The following GTF3C3 variants were observed in gnomAD, a reference collection of about 807,000 sequenced individuals.
GTF3C3 encodes the protein general transcription factor IIIC subunit 3, also known as general transcription factor 3C polypeptide 3.
A neutral mutation model predicts 105.2 loss-of-function variants in GTF3C3; 75 were observed. That is an observed-to-expected ratio of 0.71 (90% CI 0.59 to 0.86). The LOEUF (loss-of-function observed/expected upper bound fraction) is 0.86, where lower values mean the gene tolerates loss of function less well. GTF3C3 is among the 40% of genes least tolerant of loss of function. GTF3C3 has a pLI of 0.00. For missense variants in GTF3C3, 856 were observed against 1,076.5 expected (o/e 0.80, Z 2.87); for synonymous variants, 335 against 370.4 (o/e 0.90, Z 1.10).
chr2:196,764,270 A>ATAGTG lies in GTF3C3; in HGVS notation c.*288_*292dup, dbSNP rs1243947493. 11 of 219,424 alleles carry ATAGTG rather than the reference A, an allele frequency of 5.0e-5. No homozygotes were observed. The highest frequency in any genetic ancestry group is 1.1e-4 in the African/African-American group (5 of 44,476). The allele number at this position is 219,424 out of a possible 1,614,324, so 13.6% of individuals were successfully genotyped here. A position where few individuals can be genotyped will look rare whatever the true frequency, so the allele number is the denominator to read the frequency against. Reference sequence around the variant, plus strand: ...GATGAATAAATGGTGTGAGTGAAAAATAGTGTATTCGACTCCAAGCTAGCT... The same window carrying ATAGTG: ...GATGAATAAATGGTGTGAGTGAAAAATAGTGTAGTGTATTCGACTCCAAGCTAGCT... On this transcript the variant is annotated 3_prime_UTR_variant, in exon 18 of 18. Coordinates refer to ENST00000263956, the MANE Select transcript of GTF3C3 (RefSeq NM_012086.5).
chr2:196,782,195 C>T (rs1699377984), intron 8 of GTF3C3, among the ~76,000 whole-genome samples: 2 of 152,078 alleles, frequency 1.3e-5, no homozygotes, highest in South Asian at 4.1e-4. Context: ...CTTGTTTGTC[C>T]CTTTTGCCAC....
Position 196,779,076 on chromosome 2 carries a change from CAAA to C in GTF3C3, c.1219-12_1219-10del. The C allele has an allele frequency of 6.3e-7, 1 of 1,598,118 alleles. No individual in the cohort carries two copies. Among genetic ancestry groups the C allele is most frequent in the Non-Finnish European group, 8.6e-7 (1 of 1,167,754 alleles). On this transcript the variant is annotated splice_polypyrimidine_tract_variant and intron_variant, in intron 9 of 17. Transcript: ENST00000263956. ...AGTGTTGTCAAGAGAGGCTAGACCA[CAAA>C]TAAAAGCCCCAAGTTAAACATTCAT...
chr2:196,780,225 TTC>T, intron 9 of GTF3C3: 3 of 962,398 alleles, frequency 3.1e-6, no homozygotes, highest in Non-Finnish European at 3.8e-6. Flanking sequence ...CTTTTTTTTT[TTC>T]AATAATATAC....
chr2:196,780,942 A>T (rs1385516583), intron 8 of GTF3C3: 1 of 239,294 alleles, frequency 4.2e-6, no homozygotes, highest in African/African-American at 2.2e-5. Flanking sequence ...ATGAGGATAT[A>T]TGAACCCTCT....
chr2:196,769,883 A>T (rs747276086), intron 16 of GTF3C3, 32 bp downstream of exon 16: 7 of 1,573,228 alleles, frequency 4.4e-6, no homozygotes, highest in Admixed American at 3.5e-5. Context: ...AAGAAACATA[A>T]AATCAAGTAA....
At chr2:196,791,074 A>G (rs1044454428) in intron 4 of GTF3C3, among the ~76,000 whole-genome samples, 1 of 152,198 alleles carries the variant, frequency 6.6e-6, no homozygotes, top group Non-Finnish European at 1.5e-5. Flanking sequence ...TATATTTGCC[A>G]TACTGACAAT....
chr2:196,793,540 T>C (rs1699589512), intron 2 of GTF3C3, among the ~76,000 whole-genome samples: 1 of 152,186 alleles, frequency 6.6e-6, no homozygotes, highest in South Asian at 2.1e-4. Context: ...AGAGCCAAGC[T>C]GCCTGGTTCC....
chr2:196,794,937 C>T (rs1238193671), intron 2 of GTF3C3, among the ~76,000 whole-genome samples: 1 of 152,012 alleles, frequency 6.6e-6, no homozygotes, highest in African/African-American at 2.4e-5. Flanking sequence ...CCATGTTGGC[C>T]AGGTTGGTCT....
rs539408947 is a variant in GTF3C3, at chr2:196,767,462, A to AT, written c.2386-746dup. ...CAAATATATTACCAGATAATTAAGA[A>AT]TAAATCAATTTATGAATATAGAATA... On this transcript the variant is annotated intron_variant, in intron 16 of 17. Coordinates refer to ENST00000263956, the MANE Select transcript of GTF3C3 (RefSeq NM_012086.5). Among the ~76,000 whole-genome samples, 210 of 152,366 alleles carry AT rather than the reference A, an allele frequency of 1.4e-3. 1 individual carries two copies. Among genetic ancestry groups the AT allele is most frequent in the Non-Finnish European group, 1.7e-3 (117 of 68,024 alleles).
chr2:196,784,408 A>G (rs1231333639), intron 8 of GTF3C3, among the ~76,000 whole-genome samples: 1 of 152,190 alleles, frequency 6.6e-6, no homozygotes, highest in Non-Finnish European at 1.5e-5. Flanking sequence ...TAACCAGATC[A>G]CTAATTATAT....
rs903545441 is a variant in GTF3C3 at position 196,786,538 on chromosome 2, C to G, written c.894-950G>C. ...TTTATCAAGGATAAATAATTGTATA[C>G]ATGAAAATAACCCCTAGTTTGATCC... On this transcript the variant is annotated intron_variant, in intron 6 of 17. Coordinates refer to ENST00000263956, the MANE Select transcript of GTF3C3 (RefSeq NM_012086.5). This position sits in a 1 kb window ranked among gnomAD's most constrained non-coding sequence, Gnocchi z 4.2. 6.6e-6 allele frequency among the ~76,000 whole-genome samples: 1 copy of G among 150,732 alleles called. No individual in the cohort carries two copies. The highest frequency in any genetic ancestry group is 2.5e-5 in the African/African-American group (1 of 40,102).
At chr2:196,768,121 G>A (rs1291166794) in intron 16 of GTF3C3, among the ~76,000 whole-genome samples, 4 of 152,130 alleles carry the variant, frequency 2.6e-5, no homozygotes, top group South Asian at 2.1e-4. Flanking sequence ...GGGTTCAAGC[G>A]ACTCTCCTGC....
At chr2:196,775,844 C>T (rs781646966) in intron 12 of GTF3C3, among the ~76,000 whole-genome samples, 166 bp downstream of exon 12, 4 of 152,212 alleles carry the variant, frequency 2.6e-5, no homozygotes, top group Non-Finnish European at 4.4e-5. Context: ...CAAGAACTTT[C>T]AGTCATATAC....
In GTF3C3 at chr2:196,782,166, T is replaced by C. The variant is rs140384484; in HGVS notation, c.1115-1504A>G. Among the ~76,000 whole-genome samples the C allele has an allele frequency of 1.9e-3, 291 of 152,296 alleles. 2 individuals are homozygous for C. Among genetic ancestry groups the C allele is most frequent in the African/African-American group, 6.5e-3 (271 of 41,574 alleles). On this transcript the variant is annotated intron_variant, in intron 8 of 17. Transcript: ENST00000263956. ...TATGTGGGTGGGATTTGTGCCCTTGTAAAAGAGGTCTGAAGAAGCTTGTTT... is the reference window on the plus strand; with the variant it reads ...TATGTGGGTGGGATTTGTGCCCTTGCAAAAGAGGTCTGAAGAAGCTTGTTT...
chr2:196,765,768 TG>T (rs1014469317), intron 17 of GTF3C3, among the ~76,000 whole-genome samples: 3 of 151,910 alleles, frequency 2.0e-5, no homozygotes, highest in African/African-American at 7.2e-5. Context: ...CCCAGCACTT[TG>T]GGAGGCTGAG....
chr2:196,781,952 G>C (rs1347894237), intron 8 of GTF3C3, among the ~76,000 whole-genome samples: 1 of 152,180 alleles, frequency 6.6e-6, no homozygotes, highest in African/African-American at 2.4e-5. Flanking sequence ...TCATTTTAAT[G>C]AGCCTTTTTC....
Position 196,797,904 on chromosome 2 carries a change from A to C in GTF3C3, c.107T>G (p.Leu36Arg). The change falls in exon 2 of 18, where the codon CTT becomes CGT. Residue 36 changes from leucine (L) to arginine (R), a missense_variant. Around this residue, in one of 3 missense-constraint regions of GTF3C3, gnomAD observed 117 missense variants for 114.0 expected, o/e 1.03. Transcript: ENST00000263956. ...AGCTGATAACTTGCCTTTTTCCTGA[A>C]GACTCTGTGATTGCAAATTAATTAA... ...EERKTREKKSLQEKGKLSAEE... is the reference protein window; with the variant it reads ...EERKTREKKSRQEKGKLSAEE... The C allele has an allele frequency of 6.4e-7, 1 of 1,554,504 alleles. No homozygotes were observed. Among genetic ancestry groups the C allele is most frequent in the Non-Finnish European group, 8.9e-7 (1 of 1,125,726 alleles).
rs755184168 is a variant in GTF3C3, at chr2:196,799,675, C to G, written c.-64G>C. ...CAGAGAACCGGAAGAGCAGCGCCTT[C>G]CAGAAGCTACCTCGCCGGGGCCAGC... On this transcript the variant is annotated 5_prime_UTR_variant, in exon 1 of 18. Coordinates refer to ENST00000263956, the MANE Select transcript of GTF3C3 (RefSeq NM_012086.5). 6.1e-6 allele frequency: 7 copies of G among 1,150,076 alleles called. No individual in the cohort carries two copies. The South Asian group carries it at 8.7e-5, about 14-fold the overall frequency. 71.2% of individuals were successfully genotyped at this position (1,150,076 alleles called of 1,614,324 possible).
Position 196,773,098 on chromosome 2 carries a change from C to T in GTF3C3, c.1887G>A (p.Leu629=), listed in dbSNP as rs1699203558. ...CACATAAGGAGTATATGGCCTTCAA[C>T]AGAAGATTCCACCAGTCATCCTTTG... ...VLTKDDWWNL[L]LKAIYSLCDL... The change falls in exon 14 of 18, where the codon CTG becomes CTA. Residue 629 remains leucine, a synonymous_variant. Coordinates refer to ENST00000263956, the MANE Select transcript of GTF3C3 (RefSeq NM_012086.5). The T allele has an allele frequency of 8.7e-6, 14 of 1,613,192 alleles. No homozygotes were observed. Among genetic ancestry groups the T allele is most frequent in the Non-Finnish European group, 1.2e-5 (14 of 1,179,624 alleles).
Sources: allele counts gnomAD v4.1 joint callset (sites outside exome capture counted in the v4.1 genomes callset), GRCh38; gene constraint gnomAD v4.1.1; regional missense constraint gnomAD v4.1.1; non-coding constraint Gnocchi (gnomAD v3.1); transcripts MANE v1.5; gene names NCBI Gene and HGNC (gene_info 2026-07-23, HGNC 2026-07-21).